FBXO4: variants seen among roughly 807,000 people sequenced by gnomAD.
The protein encoded by FBXO4 is F-box only protein 4.
A neutral mutation model predicts 43.7 loss-of-function variants in FBXO4; 36 were observed. The ratio of observed to expected loss-of-function variants is 0.82; its 90% CI spans 0.63 to 1.09. The LOEUF (loss-of-function observed/expected upper bound fraction) is 1.09. FBXO4 is among the 50% of genes least tolerant of loss of function. The pLI, the probability that FBXO4 is intolerant of heterozygous loss-of-function variation, is 0.00. For missense variants in FBXO4, 435 were observed against 474.1 expected (o/e 0.92, Z 0.77); for synonymous variants, 180 against 165.6 (o/e 1.09, Z -0.67).
Position 41,929,933 on chromosome 5 carries a change from A to T in FBXO4, c.646+16A>T, listed in dbSNP as rs767608424. 6.4e-7 allele frequency: 1 copy of T among 1,552,364 alleles called. No homozygotes were observed. Among genetic ancestry groups the T allele is most frequent in the Non-Finnish European group, 8.8e-7 (1 of 1,133,706 alleles). ...CAGATTGATGGTAATTTTCATGTTA[A>T]TCTACAGTTAATTCAAACACTTTGA... On this transcript the variant is annotated intron_variant, in intron 3 of 6. Coordinates refer to ENST00000281623, the MANE Select transcript of FBXO4 (RefSeq NM_012176.3).
chr5:41,953,251 G>T, the FBXO4 span, among the ~76,000 whole-genome samples: 1 of 151,562 alleles, frequency 6.6e-6, no homozygotes, highest in African/African-American at 2.4e-5. Flanking sequence ...GTGGTGTTTG[G>T]TTTTTTGTCC....
At chr5:42,032,057 CTGTGTGTGTGTGTGTGTG>C in the FBXO4 span, among the ~76,000 whole-genome samples, 4,138 of 139,310 alleles carry the variant, frequency 0.03, 175 homozygotes, top group East Asian at 0.11. Context: ...GTCTTTTTTT[CTGTGTGTGTGTGTGTGTG>C]TGTGTGTGTG....
chr5:41,949,422 T>C, the FBXO4 span, among the ~76,000 whole-genome samples: 1 of 152,034 alleles, frequency 6.6e-6, no homozygotes, highest in East Asian at 1.9e-4. Flanking sequence ...TATACACCAA[T>C]AACAGACAAA....
At chr5:41,926,521 C>G (rs1445572416) in intron 1 of FBXO4, among the ~76,000 whole-genome samples, 1 of 151,996 alleles carries the variant, frequency 6.6e-6, no homozygotes, top group Non-Finnish European at 1.5e-5. Context: ...TGCAGTGAGC[C>G]GAGATCTTGC....
At chr5:42,040,352 G>T in the FBXO4 span, among the ~76,000 whole-genome samples, 1 of 152,070 alleles carries the variant, frequency 6.6e-6, no homozygotes, top group East Asian at 1.9e-4. Flanking sequence ...CTGTTTAGAA[G>T]AGAACCTGGA....
intron 5 of FBXO4, among the ~76,000 whole-genome samples, chr5:41,935,480 G>A (rs924117113): frequency 6.6e-6 from 1 of 152,310 alleles, no homozygotes; most frequent in South Asian, 2.1e-4. Flanking sequence ...GCTGTCTCAA[G>A]GGAGATAGAA....
chr5:41,968,051 G>A, the FBXO4 span: 1 of 376,572 alleles, frequency 2.7e-6, no homozygotes, highest in South Asian at 2.2e-5. Context: ...TTGATCCACT[G>A]GGCCAGTTTC....
At chr5:42,009,365 G>A in the FBXO4 span, among the ~76,000 whole-genome samples, 1 of 130,838 alleles carries the variant, frequency 7.6e-6, no homozygotes, top group African/African-American at 2.9e-5. Flanking sequence ...GGGAATTGGA[G>A]TGTGTGTGTA....
At chr5:42,010,633 T>C in the FBXO4 span, among the ~76,000 whole-genome samples, 9 of 152,360 alleles carry the variant, frequency 5.9e-5, no homozygotes, top group East Asian at 3.9e-4. Context: ...CTTTTGGTTA[T>C]TGTAAATAAT....
At chr5:41,938,727 T>C (rs1344668511) in intron 5 of FBXO4, among the ~76,000 whole-genome samples, 2 of 152,204 alleles carry the variant, frequency 1.3e-5, no homozygotes, top group African/African-American at 4.8e-5. Context: ...GCTTCCGAGA[T>C]CATTCAAGTT....
At chr5:42,025,546 T>C in the FBXO4 span, among the ~76,000 whole-genome samples, 114 of 152,086 alleles carry the variant, frequency 7.5e-4, no homozygotes, top group Non-Finnish European at 1.3e-3. Flanking sequence ...TTTAACTTGA[T>C]GCGATCCCAT....
the FBXO4 span, among the ~76,000 whole-genome samples, chr5:41,958,538 A>T: frequency 6.6e-6 from 1 of 152,180 alleles, no homozygotes; most frequent in Non-Finnish European, 1.5e-5. Context: ...GTGACCTATG[A>T]CCAACATCTC....
chr5:42,037,813 T>A, the FBXO4 span, among the ~76,000 whole-genome samples: 345 of 152,120 alleles, frequency 2.3e-3, 2 homozygotes, highest in African/African-American at 7.9e-3. Flanking sequence ...CAATTTTCCA[T>A]CCCCTTAAAA....
chr5:42,031,065 C>T, the FBXO4 span, among the ~76,000 whole-genome samples: 1 of 152,166 alleles, frequency 6.6e-6, no homozygotes, highest in African/African-American at 2.4e-5. Flanking sequence ...CCTCAGGGAT[C>T]TAGAACTAGA....
the FBXO4 span, among the ~76,000 whole-genome samples, chr5:42,033,463 G>A: frequency 6.6e-6 from 1 of 152,088 alleles, no homozygotes; most frequent in African/African-American, 2.4e-5. Context: ...TGTCATGGTG[G>A]TTTTCTGCAC....
At position 41,935,604 on chromosome 5, in the gene FBXO4, A is replaced by G. The variant is rs537909708; in HGVS notation, c.898+1296A>G. ...GAGAGGCAGGAAATTTGCAGTGGAG[A>G]CCTTTCTACCAATACAGGGCAGAAT... On this transcript the variant is annotated intron_variant, in intron 5 of 6. Coordinates refer to ENST00000281623, the MANE Select transcript of FBXO4 (RefSeq NM_012176.3). Among the ~76,000 whole-genome samples, 23 of 152,328 alleles carry G rather than the reference A, an allele frequency of 1.5e-4. 1 individual carries two copies. Among genetic ancestry groups the G allele is most frequent in the African/African-American group, 5.1e-4 (21 of 41,578 alleles).
chr5:41,957,050 T>A, the FBXO4 span, among the ~76,000 whole-genome samples: 2 of 152,116 alleles, frequency 1.3e-5, no homozygotes, highest in South Asian at 4.1e-4. Flanking sequence ...ATGATTTCTA[T>A]ATTGTAGGGC....
intron 5 of FBXO4, chr5:41,935,153 A>G (rs1561170800): frequency 1.0e-6 from 1 of 984,486 alleles, no homozygotes; most frequent in East Asian, 1.1e-4. Context: ...ACAATTGGGA[A>G]CTAAAACAGA....
At chr5:41,964,735 T>C in the FBXO4 span, among the ~76,000 whole-genome samples, 1 of 152,092 alleles carries the variant, frequency 6.6e-6, no homozygotes, top group Non-Finnish European at 1.5e-5. Context: ...GGGTTGTTTG[T>C]TTTTTTCTTG....
Sources: gnomAD v4.1 joint callset for allele counts (sites outside exome capture counted in the v4.1 genomes callset) on GRCh38, gnomAD v4.1.1 for gene constraint, MANE v1.5 for transcripts, NCBI Gene and HGNC (gene_info 2026-07-23, HGNC 2026-07-21) for gene names.